The following STEAP1B variants were observed in gnomAD, a reference collection of about 807,000 sequenced individuals.
STEAP1B encodes the protein STEAP family member 1B, also known as STEAP family protein MGC87042.
A neutral mutation model predicts 27.9 loss-of-function variants in STEAP1B; 13 were observed. That is an observed-to-expected ratio of 0.47 (90% confidence interval 0.30 to 0.74). The LOEUF (loss-of-function observed/expected upper bound fraction) is 0.74, where lower values mean the gene tolerates loss of function less well. Among genes scored for constraint, STEAP1B ranks in the 30% least tolerant of loss-of-function variants. The probability of loss-of-function intolerance (pLI) is 0.06; values close to 1 mark genes in which losing one functional copy is unlikely to be tolerated. For missense variants in STEAP1B, 250 were observed against 298.7 expected (o/e 0.84, Z 1.20); for synonymous variants, 86 against 107.1 (o/e 0.80, Z 1.22).
At chr7:22,437,386 A>T (rs1431573938) in intron 4 of STEAP1B, among the ~76,000 whole-genome samples, 1 of 152,220 alleles carries the variant, frequency 6.6e-6, no homozygotes, top group Non-Finnish European at 1.5e-5. Flanking sequence ...TACTTCACTT[A>T]GCATAATGTC....
intron 4 of STEAP1B, among the ~76,000 whole-genome samples, chr7:22,487,810 AAAAAAAAAAAAAG>A (rs1786240189): frequency 8.2e-6 from 1 of 121,360 alleles, no homozygotes; most frequent in Admixed American, 7.9e-5. Flanking sequence ...CACCCAAAAA[AAAAAAAAAAAAAG>A]AAAAAAGAAA....
intron 4 of STEAP1B, among the ~76,000 whole-genome samples, chr7:22,467,223 A>G (rs980180122): frequency 2.0e-5 from 3 of 152,308 alleles, no homozygotes; most frequent in Admixed American, 2.0e-4. Context: ...CAAGGATGCT[A>G]TTTTGAGAGG....
intron 4 of STEAP1B, among the ~76,000 whole-genome samples, chr7:22,467,171 T>C (rs571564675): frequency 5.2e-4 from 79 of 152,346 alleles, no homozygotes; most frequent in Middle Eastern, 3.4e-3. Context: ...CCTTTGCCAA[T>C]TTTATTTAAA....
chr7:22,464,001 C>T (rs956467676), intron 4 of STEAP1B, among the ~76,000 whole-genome samples: 1 of 151,866 alleles, frequency 6.6e-6, no homozygotes, highest in African/African-American at 2.4e-5. Flanking sequence ...AAAGAAACTA[C>T]CATCAGAGTG....
chr7:22,496,174 A>G (rs1786436193), intron 1 of STEAP1B, among the ~76,000 whole-genome samples: 1 of 56,344 alleles, frequency 1.8e-5, no homozygotes, highest in South Asian at 7.1e-4. Context: ...AGTTTCAACA[A>G]AAAAGTCTAA....
chr7:22,479,758 C>T (rs1361388773), intron 4 of STEAP1B, among the ~76,000 whole-genome samples: 1 of 144,620 alleles, frequency 6.9e-6, no homozygotes, highest in African/African-American at 2.6e-5. Flanking sequence ...GATCTTGGCC[C>T]AGTGCAGCCT....
chr7:22,443,818 C>T (rs1785369345), intron 4 of STEAP1B, among the ~76,000 whole-genome samples: 1 of 152,228 alleles, frequency 6.6e-6, no homozygotes, highest in Non-Finnish European at 1.5e-5. Flanking sequence ...AACACTTCCA[C>T]TCGGCTGGAG....
At chr7:22,456,970 ATATTTTTTTT>A (rs1244316432) in intron 4 of STEAP1B, among the ~76,000 whole-genome samples, 326 of 26,176 alleles carry the variant, frequency 0.012, 52 homozygotes, top group Middle Eastern at 0.088. Flanking sequence ...ATATATATAT[ATATTTTTTTT>A]TTTTTTAAGT....
At chr7:22,465,805 G>A (rs1785768421) in intron 4 of STEAP1B, among the ~76,000 whole-genome samples, 1 of 152,188 alleles carries the variant, frequency 6.6e-6, no homozygotes, top group African/African-American at 2.4e-5. Context: ...ATAGTCCAGT[G>A]CTGACAGGCT....
At chr7:22,444,524 CTT>C (rs950992205) in intron 4 of STEAP1B, among the ~76,000 whole-genome samples, 1 of 152,206 alleles carries the variant, frequency 6.6e-6, no homozygotes, top group South Asian at 2.1e-4. Context: ...ACCATGGACT[CTT>C]TGCAGACACA....
intron 4 of STEAP1B, among the ~76,000 whole-genome samples, chr7:22,435,786 G>T (rs970615444): frequency 2.6e-5 from 4 of 152,144 alleles, no homozygotes. Flanking sequence ...CACCTGGATG[G>T]GCTTCATGGA....
intron 4 of STEAP1B, among the ~76,000 whole-genome samples, chr7:22,479,644 C>T (rs984470613): frequency 2.9e-5 from 4 of 139,956 alleles, no homozygotes; most frequent in Non-Finnish European, 4.6e-5. Context: ...CCTAGAGTGG[C>T]GTTGTGCAAG....
At chr7:22,455,593 T>C (rs748900994) in intron 4 of STEAP1B, among the ~76,000 whole-genome samples, 1 of 152,200 alleles carries the variant, frequency 6.6e-6, no homozygotes, top group African/African-American at 2.4e-5. Flanking sequence ...TTATTGTAGT[T>C]TTATATATTC....
intron 4 of STEAP1B, among the ~76,000 whole-genome samples, chr7:22,469,260 G>T (rs373133504): frequency 6.6e-6 from 1 of 152,090 alleles, no homozygotes; most frequent in Non-Finnish European, 1.5e-5. Context: ...ATATAAAAAA[G>T]CTTGTAAAAT....
intron 4 of STEAP1B, among the ~76,000 whole-genome samples, chr7:22,458,351 GA>G (rs1785622253): frequency 6.6e-6 from 1 of 152,226 alleles, no homozygotes; most frequent in Non-Finnish European, 1.5e-5. Context: ...CGGAGCCAGA[GA>G]AGATTGTAAC....
At chr7:22,455,885 C>T (rs1371478076) in intron 4 of STEAP1B, among the ~76,000 whole-genome samples, 1 of 152,234 alleles carries the variant, frequency 6.6e-6, no homozygotes, top group Admixed American at 6.5e-5. Context: ...CAGTGGCTCA[C>T]GCCTGTAATC....
intron 4 of STEAP1B, among the ~76,000 whole-genome samples, chr7:22,488,865 G>T (rs1786267578): frequency 6.6e-6 from 1 of 152,182 alleles, no homozygotes; most frequent in African/African-American, 2.4e-5. Flanking sequence ...AGGCTGAGAA[G>T]GCTCTTAGAA....
chr7:22,494,702 T>C lies in STEAP1B; in HGVS notation c.84+70A>G, dbSNP rs184228989. 1.0e-4 allele frequency: 115 copies of C among 1,134,850 alleles called. 1 individual carries two copies. The African/African-American group carries it at 1.5e-3, about 14-fold the overall frequency. The allele number at this position is 1,134,850 out of a possible 1,614,324, so 70.3% of individuals were successfully genotyped here. A position where few individuals can be genotyped will look rare whatever the true frequency, so the allele number is the denominator to read the frequency against. ...AAATCACTTTCATAACACTAGGAGA[T>C]ACAGAATGTCATCGAATTATGTTTA... On this transcript the variant is annotated intron_variant, in intron 2 of 4. Coordinates refer to ENST00000678116, the MANE Select transcript of STEAP1B (RefSeq NM_001382447.1).
At chr7:22,455,432 T>C (rs1785562597) in intron 4 of STEAP1B, among the ~76,000 whole-genome samples, 1 of 152,252 alleles carries the variant, frequency 6.6e-6, no homozygotes, top group Non-Finnish European at 1.5e-5. Context: ...CTGGTGAGTA[T>C]GAAGTGGCAT....
Sources: allele counts gnomAD v4.1 joint callset (sites outside exome capture counted in the v4.1 genomes callset), GRCh38; gene constraint gnomAD v4.1.1; transcripts MANE v1.5; gene names NCBI Gene and HGNC (gene_info 2026-07-23, HGNC 2026-07-21).